The following RANBP10 variants were observed in gnomAD, a reference collection of about 807,000 sequenced individuals.
RANBP10 encodes ran-binding protein 10.
In RANBP10, 24 loss-of-function variants were observed where a neutral mutation model predicts 72.8. The ratio of observed to expected loss-of-function variants is 0.33; its 90% confidence interval spans 0.24 to 0.46. The LOEUF (loss-of-function observed/expected upper bound fraction) is 0.46, where lower values mean the gene tolerates loss of function less well. Among genes scored for constraint, RANBP10 ranks in the 20% least tolerant of loss-of-function variants. The pLI is 1.00. For synonymous variants in RANBP10, 310 were observed against 322.3 expected, an observed-to-expected ratio of 0.96 and a Z score of 0.41; for missense variants, 679 against 817.5, an observed-to-expected ratio of 0.83 and a Z score of 2.07.
At chr16:67,769,765 A>AC (rs2054576179) in intron 3 of RANBP10, among the ~76,000 whole-genome samples, 1 of 147,794 alleles carries the variant, frequency 6.8e-6, no homozygotes, top group East Asian at 1.9e-4. Flanking sequence ...AAAAAAAAAA[A>AC]AAAAAAAAAA....
chr16:67,755,683 C>CAAA (rs58929828), intron 3 of RANBP10, among the ~76,000 whole-genome samples: 21 of 54,302 alleles, frequency 3.9e-4, no homozygotes, highest in Admixed American at 5.8e-4. Context: ...GACTCTGCCT[C>CAAA]AAAAAAAAAA....
chr16:67,792,293 G>A (rs979615370), intron 2 of RANBP10, among the ~76,000 whole-genome samples: 5 of 152,046 alleles, frequency 3.3e-5, no homozygotes, highest in East Asian at 1.9e-4. Flanking sequence ...CGTGGCTCAC[G>A]CCTGTAATCC....
chr16:67,767,177 G>A (rs1333074924), intron 3 of RANBP10, among the ~76,000 whole-genome samples: 1 of 152,144 alleles, frequency 6.6e-6, no homozygotes, highest in Non-Finnish European at 1.5e-5. Flanking sequence ...AAGAGAAACA[G>A]ACTAGGCTGG....
intron 10 of RANBP10, 40 bp from the exon 11 acceptor site, chr16:67,728,551 G>A: frequency 1.2e-6 from 2 of 1,613,538 alleles, no homozygotes; most frequent in African/African-American, 1.3e-5. Context: ...CCCAGGGGGT[G>A]TGGTTGGAGC....
At chr16:67,798,253 CCTT>C (rs2055169805) in intron 2 of RANBP10, among the ~76,000 whole-genome samples, 2 of 152,124 alleles carry the variant, frequency 1.3e-5, no homozygotes, top group South Asian at 4.1e-4. Context: ...AAGGACAGCA[CCTT>C]CTTATCAGGG....
intron 3 of RANBP10, among the ~76,000 whole-genome samples, chr16:67,747,537 T>G (rs567583729): frequency 9.9e-5 from 15 of 152,272 alleles, no homozygotes; most frequent in Middle Eastern, 6.8e-3. Flanking sequence ...GGTCTCACAC[T>G]CTCTCGTCCA....
Position 67,740,721 on chromosome 16 carries a change from T to C in RANBP10, c.569-2686A>G, listed in dbSNP as rs1166801007. Reference sequence around the variant, plus strand: ...ACTACCTCTGACACTAGTTCACATATGAAAAAACCAAGATGCAGAGAGATG... The same window carrying C: ...ACTACCTCTGACACTAGTTCACATACGAAAAAACCAAGATGCAGAGAGATG... On this transcript the variant is annotated intron_variant, in intron 4 of 13. Coordinates refer to ENST00000317506, the MANE Select transcript of RANBP10 (RefSeq NM_020850.3). Among the ~76,000 whole-genome samples the C allele has an allele frequency of 2.6e-5, 4 of 152,284 alleles. No homozygotes were observed. In the South Asian group the frequency reaches 8.3e-4, roughly 32 times the overall value.
chr16:67,771,798 T>G (rs1016105011), intron 3 of RANBP10, among the ~76,000 whole-genome samples: 2 of 152,240 alleles, frequency 1.3e-5, no homozygotes, highest in Non-Finnish European at 2.9e-5. Flanking sequence ...CAGTTGACTT[T>G]GATGGCAAAC....
chr16:67,748,733 G>T (rs1198579960), intron 3 of RANBP10, among the ~76,000 whole-genome samples: 1 of 152,100 alleles, frequency 6.6e-6, no homozygotes, highest in Non-Finnish European at 1.5e-5. Context: ...GAGTACAGGT[G>T]GGGCAGGAGT....
intron 6 of RANBP10, among the ~76,000 whole-genome samples, chr16:67,732,922 C>T (rs180899667): frequency 4.0e-5 from 6 of 151,728 alleles, no homozygotes; most frequent in East Asian, 3.9e-4. Flanking sequence ...GGCGTAGTGG[C>T]GGGCACCTGT....
intron 3 of RANBP10, among the ~76,000 whole-genome samples, chr16:67,755,476 G>A (rs912185735): frequency 2.0e-5 from 3 of 152,070 alleles, no homozygotes; most frequent in Non-Finnish European, 4.4e-5. Context: ...CTGAGGTCAG[G>A]AGTTCAAGAC....
chr16:67,790,085 G>A (rs894595841), intron 2 of RANBP10, among the ~76,000 whole-genome samples: 3 of 150,920 alleles, frequency 2.0e-5, no homozygotes, highest in African/African-American at 7.4e-5. Flanking sequence ...GACAGAATGA[G>A]ACTCTGTCTC....
chr16:67,781,983 C>T (rs2054822741), intron 2 of RANBP10, among the ~76,000 whole-genome samples: 1 of 152,110 alleles, frequency 6.6e-6, no homozygotes, highest in African/African-American at 2.4e-5. Context: ...GGGGGTCCAC[C>T]CAGCCCTGCC....
chr16:67,805,573 G>T, intron 1 of RANBP10, 34 bp from the exon 2 acceptor site: 1 of 1,576,768 alleles, frequency 6.3e-7, no homozygotes, highest in Non-Finnish European at 8.7e-7. Context: ...AATTTCAGCA[G>T]AAGGAAATGC....
chr16:67,738,384 C>T (rs979130363), intron 4 of RANBP10, among the ~76,000 whole-genome samples: 10 of 151,660 alleles, frequency 6.6e-5, no homozygotes, highest in Non-Finnish European at 1.5e-4. Context: ...GTGATCTGCC[C>T]GCCTCAGCCT....
intron 3 of RANBP10, among the ~76,000 whole-genome samples, chr16:67,762,258 C>A (rs978888413): frequency 6.6e-6 from 1 of 152,158 alleles, no homozygotes; most frequent in Non-Finnish European, 1.5e-5. Flanking sequence ...AGAGTGAGAT[C>A]CCAATCTCTA....
intron 2 of RANBP10, among the ~76,000 whole-genome samples, chr16:67,779,267 C>T (rs1237882215): frequency 5.3e-5 from 8 of 151,856 alleles, no homozygotes; most frequent in Non-Finnish European, 1.0e-4. Flanking sequence ...TGGTAGTGCA[C>T]ACCTGTAGTC....
intron 2 of RANBP10, among the ~76,000 whole-genome samples, chr16:67,800,376 T>C (rs2055214467): frequency 6.6e-6 from 1 of 152,018 alleles, no homozygotes; most frequent in East Asian, 1.9e-4. Context: ...AAAGCAACCA[T>C]CACATGTCAG....
At chr16:67,775,521 T>C (rs1422146134) in intron 2 of RANBP10, among the ~76,000 whole-genome samples, 4 of 151,898 alleles carry the variant, frequency 2.6e-5, no homozygotes, top group Non-Finnish European at 4.4e-5. Context: ...TTCCCATACG[T>C]AGAAAACCTT....
Sources: gnomAD v4.1 joint callset for allele counts (sites outside exome capture counted in the v4.1 genomes callset) on GRCh38, gnomAD v4.1.1 for gene constraint, MANE v1.5 for transcripts, NCBI Gene and HGNC (gene_info 2026-07-23, HGNC 2026-07-21) for gene names.